Variants in PM20D1 observed in about 807,000 individuals in gnomAD.
PM20D1 encodes peptidase M20 domain containing 1, also known as N-fatty-acyl-amino acid synthase/hydrolase PM20D1.
In PM20D1, 53 loss-of-function variants were observed where a neutral mutation model predicts 53.8. That is an observed-to-expected ratio of 0.98 (90% confidence interval 0.79 to 1.24). PM20D1 has a LOEUF of 1.24. PM20D1 is among the 50% of genes most tolerant of loss of function. The probability of loss-of-function intolerance (pLI) is 0.00; values close to 1 mark genes in which losing one functional copy is unlikely to be tolerated. For synonymous variants in PM20D1, 239 were observed against 241.3 expected (o/e 0.99, Z 0.09); for missense variants, 564 against 616.8 (o/e 0.91, Z 0.91).
intron 12 of PM20D1, among the ~76,000 whole-genome samples, chr1:205,829,158 T>G (rs538524394): frequency 1.3e-5 from 2 of 152,120 alleles, no homozygotes; most frequent in Admixed American, 1.3e-4. Context: ...AGCTCCTGAG[T>G]TGCTGGGACC....
At position 205,828,689 on chromosome 1, in the gene PM20D1, T is replaced by C; in HGVS notation, c.1440A>G (p.Lys480=). The C allele has an allele frequency of 6.2e-7, 1 of 1,614,160 alleles. No individual in the cohort carries two copies. Among genetic ancestry groups the C allele is most frequent in the Non-Finnish European group, 8.5e-7 (1 of 1,180,028 alleles). The change falls in exon 13 of 13, where the codon AAA becomes AAG. Residue 480 remains lysine, a synonymous_variant. Coordinates refer to ENST00000367136, the MANE Select transcript of PM20D1 (RefSeq NM_152491.5). ...ISVQAYETQV[K]FIFELIQNAD... is the part of the protein sequence containing the mutation. ...CATTCTGAATCAACTCAAAGATGAA[T>C]TTCACTTGGGTCTCATAGGCTTGGA...
rs376092947 is a variant in PM20D1 at position 205,841,742 on chromosome 1, T to C, written c.1044+69A>G. The C allele has an allele frequency of 2.9e-6, 4 of 1,402,660 alleles. No individual in the cohort carries two copies. In the South Asian group the frequency reaches 3.7e-5, roughly 13 times the overall value. 86.9% of individuals were successfully genotyped at this position (1,402,660 alleles called of 1,614,324 possible). ...ACAGAAGGAAGGAAGAGCCAGTAGA[T>C]AGATTCAAGGAAGGGAGGAGTGGAG... On this transcript the variant is annotated intron_variant, in intron 9 of 12. Transcript: ENST00000367136.
chr1:205,844,218 C>G lies in PM20D1; in HGVS notation c.577-1G>C, dbSNP rs1348034834. ...TCCTCTGAGCCCCTGTCCCTGATGA[C>G]TGCAGACATGGAACATAGAGCTATA... On this transcript the variant is annotated splice_acceptor_variant, in intron 4 of 12. Coordinates refer to ENST00000367136, the MANE Select transcript of PM20D1 (RefSeq NM_152491.5). LOFTEE classifies it high-confidence loss of function. 3 of 1,606,488 alleles carry G rather than the reference C, an allele frequency of 1.9e-6. No homozygotes were observed. Among genetic ancestry groups the G allele is most frequent in the East Asian group, 2.2e-5 (1 of 44,798 alleles).
intron 6 of PM20D1, among the ~76,000 whole-genome samples, chr1:205,843,306 G>A (rs1451416515): frequency 1.3e-5 from 2 of 152,254 alleles, no homozygotes; most frequent in Middle Eastern, 3.4e-3. Flanking sequence ...TTTCCATATG[G>A]ATATACTGAC....
At chr1:205,834,881 G>T (rs1334581834) in intron 10 of PM20D1, among the ~76,000 whole-genome samples, 1 of 151,792 alleles carries the variant, frequency 6.6e-6, no homozygotes, top group Non-Finnish European at 1.5e-5. Flanking sequence ...CTGACTCAAG[G>T]GCAGGGACTG....
intron 11 of PM20D1, among the ~76,000 whole-genome samples, chr1:205,831,764 A>G (rs1393215754): frequency 2.0e-5 from 3 of 152,024 alleles, no homozygotes; most frequent in Non-Finnish European, 2.9e-5. Flanking sequence ...AGGTTTCACC[A>G]TATTGGTCAG....
chr1:205,834,515 A>G (rs938677730), intron 10 of PM20D1, among the ~76,000 whole-genome samples: 11 of 152,134 alleles, frequency 7.2e-5, no homozygotes, highest in Admixed American at 6.5e-4. Flanking sequence ...AGAGGAAGTG[A>G]AGGTTCCCAC....
chr1:205,848,440 A>G (rs2102533076), intron 1 of PM20D1, among the ~76,000 whole-genome samples: 1 of 152,202 alleles, frequency 6.6e-6, no homozygotes, highest in East Asian at 1.9e-4. Context: ...GTAAAGGCTT[A>G]TTCCTTATGC....
chr1:205,843,235 A>C (rs1656857682), intron 6 of PM20D1, among the ~76,000 whole-genome samples: 1 of 152,162 alleles, frequency 6.6e-6, no homozygotes, highest in African/African-American at 2.4e-5. Context: ...TTGTGATTCT[A>C]AATGTCTGGA....
chr1:205,837,801 G>A lies in PM20D1; in HGVS notation c.1116+2451C>T, dbSNP rs572305841. On this transcript the variant is annotated intron_variant, in intron 10 of 12. Transcript: ENST00000367136. ...AGTGCCAGGACCTGGGGAGATGAAA[G>A]CCCCAGCTGGGTGGAAAACAGCCCT... 3.3e-5 allele frequency among the ~76,000 whole-genome samples: 5 copies of A among 152,200 alleles called. 1 individual carries two copies. The South Asian group carries it at 8.3e-4, about 25-fold the overall frequency.
Position 205,842,686 on chromosome 1 carries a change from A to G in PM20D1, c.893T>C (p.Leu298Pro). 6.2e-7 allele frequency: 1 copy of G among 1,614,026 alleles called. No homozygotes were observed. Among genetic ancestry groups the G allele is most frequent in the South Asian group, 1.1e-5 (1 of 91,074 alleles). The change falls in exon 7 of 13, where the codon CTG (leucine) becomes CCG (proline). Residue 298 changes from leucine to proline, a missense_variant. By Grantham distance (98) the Leu-to-Pro change is moderately conservative. Coordinates refer to ENST00000367136, the MANE Select transcript of PM20D1 (RefSeq NM_152491.5). Reference protein sequence around the residue: ...SGTVVTVLQQLANEFPFPVNI... With the variant: ...SGTVVTVLQQPANEFPFPVNI... ...TACTTCTTCCCATACCTCATTTGCC[A>G]GTTGCTGCAATACAGTCACCACTGT...
intron 10 of PM20D1, 113 bp downstream of exon 10, chr1:205,840,139 G>T: frequency 1.3e-6 from 1 of 799,948 alleles, no homozygotes; most frequent in Non-Finnish European, 1.8e-6. Context: ...GAAAAATGTT[G>T]GTTGAATAAA....
intron 2 of PM20D1, among the ~76,000 whole-genome samples, chr1:205,847,006 CTTTTTTTTTTTTT>C (rs778538865): frequency 3.6e-4 from 16 of 44,666 alleles, no homozygotes; most frequent in East Asian, 1.8e-3. Context: ...TCCTTCCTTT[CTTTTTTTTTTTTT>C]TTTTTTTTTT....
chr1:205,838,913 C>G (rs1656743896), intron 10 of PM20D1, among the ~76,000 whole-genome samples: 1 of 152,204 alleles, frequency 6.6e-6, no homozygotes, highest in African/African-American at 2.4e-5. Flanking sequence ...TGGTTGCTCT[C>G]TTCTCCACCC....
intron 5 of PM20D1, 69 bp downstream of exon 5, chr1:205,844,018 A>G (rs1656881252): frequency 1.3e-6 from 2 of 1,546,336 alleles, no homozygotes; most frequent in Non-Finnish European, 1.7e-6. Flanking sequence ...GCTCACAGAT[A>G]CCAGGCTGGG....
At chr1:205,848,617 C>CT (rs1180265108) in intron 1 of PM20D1, among the ~76,000 whole-genome samples, 1 of 152,158 alleles carries the variant, frequency 6.6e-6, no homozygotes, top group African/African-American at 2.4e-5. Flanking sequence ...CCCTTTGAGT[C>CT]TTTAAGACTT....
At chr1:205,835,985 C>T (rs977197420) in intron 10 of PM20D1, among the ~76,000 whole-genome samples, 4 of 152,020 alleles carry the variant, frequency 2.6e-5, no homozygotes, top group African/African-American at 4.8e-5. Context: ...GAGTGATTCT[C>T]CTGCCTCAGC....
At chr1:205,834,001 C>G (rs1656624408) in intron 10 of PM20D1, among the ~76,000 whole-genome samples, 1 of 151,750 alleles carries the variant, frequency 6.6e-6, no homozygotes, top group African/African-American at 2.4e-5. Flanking sequence ...GCATGCACCA[C>G]TATGCCTGAC....
intron 9 of PM20D1, among the ~76,000 whole-genome samples, chr1:205,841,155 A>T (rs958871586): frequency 6.6e-6 from 1 of 152,080 alleles, no homozygotes; most frequent in Non-Finnish European, 1.5e-5. Flanking sequence ...GTAAAATCTG[A>T]CTTTTTTGCC....
Sources: allele counts gnomAD v4.1 joint callset (sites outside exome capture counted in the v4.1 genomes callset), GRCh38; gene constraint gnomAD v4.1.1; transcripts MANE v1.5; gene names NCBI Gene and HGNC (gene_info 2026-07-23, HGNC 2026-07-21).